SHOC1: variants seen among roughly 807,000 people sequenced by gnomAD.
SHOC1 encodes protein shortage in chiasmata 1 ortholog.
SHOC1 carries 136 observed loss-of-function variants against 179.2 expected under a neutral mutation model. That is an observed-to-expected ratio of 0.76 (90% CI 0.66 to 0.87). The LOEUF (loss-of-function observed/expected upper bound fraction) is 0.87, where lower values mean the gene tolerates loss of function less well. Among genes scored for constraint, SHOC1 ranks in the 40% least tolerant of loss-of-function variants. The pLI, the probability that SHOC1 is intolerant of heterozygous loss-of-function variation, is 0.00. For missense variants in SHOC1, 1,538 were observed against 1,700.8 expected, an observed-to-expected ratio of 0.90 and a Z score of 1.68; for synonymous variants, 489 against 586.6, an observed-to-expected ratio of 0.83 and a Z score of 2.41.
chr9:111,738,387 A>G lies in SHOC1; in HGVS notation c.1310T>C (p.Met437Thr), dbSNP rs1833899114. 1 of 1,613,326 alleles carries G rather than the reference A, an allele frequency of 6.2e-7. No individual in the cohort carries two copies. Among genetic ancestry groups the G allele is most frequent in the Non-Finnish European group, 8.5e-7 (1 of 1,179,758 alleles). ...WWKQAGLNLK[M>T]METLEHLNTY... ...ATTCAGATGTTCCAATGTTTCCATC[A>G]TTTTCAGATTTAGTCCTGCTTGTTT... Residue 437 changes from methionine (M) to threonine (T), a missense_variant, in exon 12 of 28, where the codon ATG (methionine) becomes ACG (threonine). By Grantham distance (81) the Met-to-Thr change is moderately conservative (BLOSUM62 -1). Coordinates refer to ENST00000682961, the MANE Select transcript of SHOC1 (RefSeq NM_001378211.1).
chr9:111,712,431 G>T (rs1255667578), intron 18 of SHOC1, among the ~76,000 whole-genome samples: 4 of 151,472 alleles, frequency 2.6e-5, no homozygotes, highest in Non-Finnish European at 4.4e-5. Flanking sequence ...GTAAGAAATG[G>T]CTTTCTCATC....
At chr9:111,754,386 A>G (rs540861640) in intron 8 of SHOC1, among the ~76,000 whole-genome samples, 8 of 152,334 alleles carry the variant, frequency 5.3e-5, no homozygotes, top group African/African-American at 1.7e-4. Flanking sequence ...ATCCATCTGG[A>G]AAATGCAAAT....
intron 5 of SHOC1, among the ~76,000 whole-genome samples, chr9:111,761,423 A>T (rs1293150222): frequency 6.6e-6 from 1 of 152,106 alleles, no homozygotes; most frequent in Non-Finnish European, 1.5e-5. Context: ...AATCACTTGA[A>T]CCTGGGAGGT....
chr9:111,738,428 T>C lies in SHOC1; in HGVS notation c.1269A>G (p.Glu423=), dbSNP rs1209185496. Residue 423 remains glutamate (E), a synonymous_variant, in exon 12 of 28, where the codon GAA becomes GAG. Coordinates refer to ENST00000682961, the MANE Select transcript of SHOC1 (RefSeq NM_001378211.1). ...CTGCTTGTTTCCACCACTCTGCCTT[T>C]TCCAGATTAATCACAAGGCTTTCTT... ...VKEESLVINL[E]KAEWWKQAGL... is the part of the protein sequence containing the mutation. The C allele has an allele frequency of 1.2e-6, 2 of 1,612,168 alleles. No individual in the cohort carries two copies. The highest frequency in any genetic ancestry group is 2.7e-5 in the African/African-American group (2 of 74,894).
intron 21 of SHOC1, among the ~76,000 whole-genome samples, 178 bp downstream of exon 21, chr9:111,705,069 A>G (rs189884692): frequency 1.1e-3 from 160 of 151,992 alleles, no homozygotes; most frequent in African/African-American, 3.8e-3. Context: ...ATTGATATAA[A>G]CTCTCTGGAA....
intron 3 of SHOC1, chr9:111,783,624 C>T (rs1000362240): frequency 1.3e-5 from 2 of 152,202 alleles, no homozygotes; most frequent in East Asian, 3.8e-4. Flanking sequence ...TACTCATGCT[C>T]TCAGTGACTT....
intron 4 of SHOC1, among the ~76,000 whole-genome samples, chr9:111,776,675 C>T (rs1200659029): frequency 6.6e-6 from 1 of 152,174 alleles, no homozygotes; most frequent in Admixed American, 6.5e-5. Flanking sequence ...TATTATTCCT[C>T]CCAAATACTT....
At chr9:111,720,450 T>C (rs550321176) in intron 15 of SHOC1, among the ~76,000 whole-genome samples, 28 of 152,348 alleles carry the variant, frequency 1.8e-4, no homozygotes, top group African/African-American at 6.5e-4. Context: ...GTGTCTCTTG[T>C]ACTAAGTGTT....
intron 2 of SHOC1, among the ~76,000 whole-genome samples, chr9:111,788,731 T>C (rs1263409095): frequency 6.6e-6 from 1 of 152,232 alleles, no homozygotes; most frequent in Non-Finnish European, 1.5e-5. Flanking sequence ...ATTATTTCCT[T>C]TGTTACAACC....
At chr9:111,723,270 A>G (rs1181251112) in intron 14 of SHOC1, among the ~76,000 whole-genome samples, 1 of 152,240 alleles carries the variant, frequency 6.6e-6, no homozygotes, top group Non-Finnish European at 1.5e-5. Flanking sequence ...ATAATCATCT[A>G]GAGACCAAAA....
chr9:111,792,506 G>T (rs1179923664), intron 1 of SHOC1, among the ~76,000 whole-genome samples: 1 of 152,102 alleles, frequency 6.6e-6, no homozygotes, highest in Non-Finnish European at 1.5e-5. Flanking sequence ...AGAGGCTGAG[G>T]CACGAGAATT....
chr9:111,762,720 C>T (rs1835188621), intron 5 of SHOC1, among the ~76,000 whole-genome samples: 1 of 151,998 alleles, frequency 6.6e-6, no homozygotes. Context: ...TTCCTCAACC[C>T]ACTAAAGGAA....
In SHOC1 at chr9:111,723,811, G is replaced by A; in HGVS notation, c.1935C>T (p.Val645=). 1 of 1,611,664 alleles carries A rather than the reference G, an allele frequency of 6.2e-7. No individual in the cohort carries two copies. Among genetic ancestry groups the A allele is most frequent in the Non-Finnish European group, 8.5e-7 (1 of 1,179,342 alleles). Residue 645 remains valine, a synonymous_variant, in exon 14 of 28, where the codon GTC becomes GTT. Transcript: ENST00000682961. ...ACATACCTGACGCTTGAATTTCAAT[G>A]ACACTATCTGTTCCCCTTTCCTGAT... ...EINQERGTDS[V]IEIQASDSQC... is the part of the protein sequence containing the mutation.
intron 26 of SHOC1, among the ~76,000 whole-genome samples, chr9:111,693,421 CAAAAAAAA>C (rs59200447): frequency 3.5e-5 from 3 of 85,826 alleles, no homozygotes; most frequent in South Asian, 4.6e-4. Flanking sequence ...CCCGTTTCTA[CAAAAAAAA>C]AAAAAAAAAA....
chr9:111,720,840 A>ACAT (rs1833008652), intron 15 of SHOC1, among the ~76,000 whole-genome samples: 1 of 152,248 alleles, frequency 6.6e-6, no homozygotes, highest in Non-Finnish European at 1.5e-5. Context: ...ACATACAGAA[A>ACAT]ACAGTAATAA....
intron 18 of SHOC1, among the ~76,000 whole-genome samples, chr9:111,709,094 A>C (rs1235527825): frequency 6.6e-6 from 1 of 152,256 alleles, no homozygotes; most frequent in Non-Finnish European, 1.5e-5. Context: ...TAATCCCAGC[A>C]CTTTGGGAGG....
intron 12 of SHOC1, among the ~76,000 whole-genome samples, chr9:111,729,364 T>C (rs1833462365): frequency 6.6e-6 from 1 of 152,146 alleles, no homozygotes. Flanking sequence ...CACATTGGCC[T>C]CCCAAGTGCT....
At chr9:111,769,975 G>GTTTTTTTTTTGTTTTTTTTTTTTT (rs1835512264) in intron 5 of SHOC1, among the ~76,000 whole-genome samples, 9 of 87,790 alleles carry the variant, frequency 1.0e-4, no homozygotes, top group South Asian at 4.0e-4. Context: ...TTTATCTTCT[G>GTTTTTTTTTTGTTTTTTTTTTTTT]TTTTTTTTTT....
intron 3 of SHOC1, chr9:111,781,277 C>T: frequency 2.4e-6 from 1 of 409,468 alleles, no homozygotes; most frequent in Non-Finnish European, 4.5e-6. Flanking sequence ...TTTGCTTATA[C>T]AGCACTACCA....
Sources: gnomAD v4.1 joint callset for allele counts (sites outside exome capture counted in the v4.1 genomes callset) on GRCh38, gnomAD v4.1.1 for gene constraint, MANE v1.5 for transcripts, NCBI Gene and HGNC (gene_info 2026-07-23, HGNC 2026-07-21) for gene names.